The following MTR variants were observed in gnomAD, a reference collection of about 807,000 sequenced individuals.
The protein encoded by MTR is 5-methyltetrahydrofolate-homocysteine methyltransferase, also known as methionine synthase.
A neutral mutation model predicts 154.8 loss-of-function variants in MTR; 84 were observed. That is an observed-to-expected ratio of 0.54 (90% CI 0.45 to 0.65). The LOEUF is 0.65. Ranked by LOEUF, MTR falls within the 30% of genes least tolerant of loss-of-function variation. The pLI, the probability that MTR is intolerant of heterozygous loss-of-function variation, is 0.00. For synonymous variants in MTR, 554 were observed against 553.9 expected, an observed-to-expected ratio of 1.00 and a Z score of 0.00; for missense variants, 1,275 against 1,570.2, an observed-to-expected ratio of 0.81 and a Z score of 3.18.
At chr1:236,868,975 C>A (rs1664970098) in intron 22 of MTR, among the ~76,000 whole-genome samples, 1 of 152,136 alleles carries the variant, frequency 6.6e-6, no homozygotes, top group South Asian at 2.1e-4. Flanking sequence ...ATGGAAATGG[C>A]AACAGACCCC....
chr1:236,796,514 C>T (rs564375111), intron 1 of MTR, among the ~76,000 whole-genome samples: 2 of 152,244 alleles, frequency 1.3e-5, no homozygotes, highest in South Asian at 4.1e-4. Flanking sequence ...AGTAAATATC[C>T]TATCACATAG....
chr1:236,853,886 G>A (rs997872224), intron 18 of MTR, among the ~76,000 whole-genome samples: 22 of 152,192 alleles, frequency 1.4e-4, no homozygotes, highest in African/African-American at 5.3e-4. Flanking sequence ...GGCACATGAA[G>A]TATCTATCGT....
intron 1 of MTR, chr1:236,799,953 C>T (rs1174011231): frequency 1.1e-5 from 7 of 610,190 alleles, no homozygotes; most frequent in African/African-American, 8.1e-5. Context: ...CTTGCCTATA[C>T]GGTGGCTCAA....
At chr1:236,823,829 T>TTTA (rs1225749989) in intron 8 of MTR, among the ~76,000 whole-genome samples, 1 of 135,782 alleles carries the variant, frequency 7.4e-6, no homozygotes, top group East Asian at 2.3e-4. Context: ...TTTTTTTTTT[T>TTTA]AGCAGTGTTA....
chr1:236,897,310 G>GCGCGCGCGCGCGCGCGCGCGCACACA, intron 32 of MTR, among the ~76,000 whole-genome samples, 192 bp downstream of exon 32: 21 of 128,678 alleles, frequency 1.6e-4, no homozygotes, highest in East Asian at 4.6e-4. Flanking sequence ...CCACACACAC[G>GCGCGCGCGCGCGCGCGCGCGCACACA]CACACACACA....
chr1:236,803,694 G>A lies in MTR; in HGVS notation c.249+52G>A, dbSNP rs190537181. 1.5e-5 allele frequency: 23 copies of A among 1,554,762 alleles called. No homozygotes were observed. The African/African-American group carries it at 2.3e-4, about 16-fold the overall frequency. ...TATTCATTCTGTTATTCTGCAAGCT[G>A]TTTCATGTATCAGGGCAGGCTGCTA... On this transcript the variant is annotated intron_variant, in intron 2 of 32. Transcript: ENST00000366577.
At chr1:236,882,414 G>A (rs1028952054) in intron 25 of MTR, among the ~76,000 whole-genome samples, 15 of 148,910 alleles carry the variant, frequency 1.0e-4, no homozygotes, top group South Asian at 4.2e-4. Flanking sequence ...TTTTTGAGAC[G>A]GATTGTTGCC....
chr1:236,838,749 T>C, intron 15 of MTR, 150 bp downstream of exon 15: 2 of 815,700 alleles, frequency 2.5e-6, no homozygotes, highest in Non-Finnish European at 4.1e-6. Flanking sequence ...TACACGTATC[T>C]GTATACAGTC....
At chr1:236,808,500 A>G (rs1170187630) in intron 3 of MTR, among the ~76,000 whole-genome samples, 1 of 152,230 alleles carries the variant, frequency 6.6e-6, no homozygotes, top group Non-Finnish European at 1.5e-5. Flanking sequence ...ACCTAAAAGC[A>G]GTTCCCAAGG....
At chr1:236,802,281 G>A (rs1272742308) in intron 1 of MTR, among the ~76,000 whole-genome samples, 2 of 152,150 alleles carry the variant, frequency 1.3e-5, no homozygotes, top group Non-Finnish European at 2.9e-5. Context: ...AGATTGAGGG[G>A]CAGGTGGGTA....
chr1:236,857,863 G>C (rs887374451), intron 18 of MTR, among the ~76,000 whole-genome samples: 1 of 152,238 alleles, frequency 6.6e-6, no homozygotes, highest in African/African-American at 2.4e-5. Context: ...GGTGAGACTT[G>C]AGAGAAATAA....
At chr1:236,806,098 A>G in intron 2 of MTR, 46 bp from the exon 3 acceptor site, 1 of 1,534,012 alleles carries the variant, frequency 6.5e-7, no homozygotes, top group Non-Finnish European at 9.0e-7. Flanking sequence ...CTGGGGGCAC[A>G]AGAAACTCTA....
At chr1:236,834,892 G>A (rs760534342) in intron 13 of MTR, among the ~76,000 whole-genome samples, 2 of 152,258 alleles carry the variant, frequency 1.3e-5, no homozygotes, top group Middle Eastern at 3.4e-3. Flanking sequence ...AGGTTGCAGT[G>A]TGTAATAGTG....
intron 8 of MTR, among the ~76,000 whole-genome samples, chr1:236,822,976 TA>T (rs1171331931): frequency 6.6e-6 from 1 of 152,204 alleles, no homozygotes; most frequent in Non-Finnish European, 1.5e-5. Context: ...TTTTTGTAGA[TA>T]CTCTTTATCA....
intron 22 of MTR, among the ~76,000 whole-genome samples, chr1:236,868,443 G>T (rs747837052): frequency 2.0e-5 from 3 of 152,130 alleles, no homozygotes; most frequent in African/African-American, 4.8e-5. Flanking sequence ...ATACTTTATT[G>T]TAATGGTCTA....
chr1:236,859,999 T>A, intron 19 of MTR, 77 bp downstream of exon 19: 1 of 1,303,560 alleles, frequency 7.7e-7, no homozygotes, highest in Non-Finnish European at 1.1e-6. Flanking sequence ...GGTGTGACAG[T>A]AGCTGGAGAA....
At chr1:236,810,971 A>G (rs905240662) in intron 5 of MTR, among the ~76,000 whole-genome samples, 7 of 152,226 alleles carry the variant, frequency 4.6e-5, no homozygotes, top group African/African-American at 1.7e-4. Context: ...AGTCCAAACT[A>G]TCTAGACATC....
In MTR at chr1:236,795,353, C is replaced by A. The variant is rs1324155322; in HGVS notation, c.-351C>A. 2.2e-6 allele frequency: 3 copies of A among 1,340,044 alleles called. No homozygotes were observed. Among genetic ancestry groups the A allele is most frequent in the African/African-American group, 1.5e-5 (1 of 67,958 alleles). The allele number at this position is 1,340,044 out of a possible 1,614,324, so 83.0% of individuals were successfully genotyped here. On this transcript the variant is annotated 5_prime_UTR_variant, in exon 1 of 33. Coordinates refer to ENST00000366577, the MANE Select transcript of MTR (RefSeq NM_000254.3). ...CGGGGCTCAGAGCCGGATGTCACGT[C>A]GTCCTCCTCTGCCGGTTTTCTCTTG...
intron 2 of MTR, 144 bp downstream of exon 2, chr1:236,803,786 A>G (rs1660823439): frequency 4.7e-6 from 4 of 857,042 alleles, no homozygotes; most frequent in African/African-American, 1.7e-5. Context: ...TTGGACATCA[A>G]ATAAAAGTTA....
Sources: gnomAD v4.1 joint callset for allele counts (sites outside exome capture counted in the v4.1 genomes callset) on GRCh38, gnomAD v4.1.1 for gene constraint, MANE v1.5 for transcripts, NCBI Gene and HGNC (gene_info 2026-07-23, HGNC 2026-07-21) for gene names.